The following UNC5C variants were observed in gnomAD, a reference collection of about 807,000 sequenced individuals.
UNC5C encodes netrin receptor UNC5C.
UNC5C carries 47 observed loss-of-function variants against 99.8 expected under a neutral mutation model. That is an observed-to-expected ratio of 0.47 (90% CI 0.37 to 0.60). UNC5C has a LOEUF of 0.60. UNC5C is among the 20% of genes least tolerant of loss of function. The probability of loss-of-function intolerance (pLI) is 0.00; values close to 1 mark genes in which losing one functional copy is unlikely to be tolerated. For missense variants in UNC5C, 1,062 were observed against 1,165.9 expected (o/e 0.91, Z 1.30); for synonymous variants, 487 against 452.2 (o/e 1.08, Z -0.98).
chr4:95,296,925 A>G (rs1397513371), intron 3 of UNC5C, among the ~76,000 whole-genome samples: 4 of 152,196 alleles, frequency 2.6e-5, no homozygotes, highest in Admixed American at 2.6e-4. Flanking sequence ...ATCCCCTTTC[A>G]GGCCTGGTCC....
At chr4:95,462,034 G>A (rs1173295502) in intron 1 of UNC5C, among the ~76,000 whole-genome samples, 2 of 151,930 alleles carry the variant, frequency 1.3e-5, no homozygotes, top group East Asian at 3.8e-4. Flanking sequence ...AGTTGATAGA[G>A]CCTTGGGTTT....
At chr4:95,360,326 G>A (rs116277466) in intron 1 of UNC5C, among the ~76,000 whole-genome samples, 1,728 of 152,148 alleles carry the variant, frequency 0.011, 25 homozygotes, top group African/African-American at 0.039. Flanking sequence ...TAATCTGTAA[G>A]TTAAAGGAAA....
chr4:95,208,764 T>C (rs1285985869), intron 10 of UNC5C, among the ~76,000 whole-genome samples: 10 of 152,238 alleles, frequency 6.6e-5, no homozygotes, highest in Admixed American at 4.6e-4. Flanking sequence ...TTTGATGGAA[T>C]TCACATATAT....
At chr4:95,425,563 C>G (rs774750220) in intron 1 of UNC5C, among the ~76,000 whole-genome samples, 30 of 152,220 alleles carry the variant, frequency 2.0e-4, no homozygotes, top group Non-Finnish European at 4.0e-4. Flanking sequence ...ACCTCGTGAT[C>G]CGCCCAAAGT....
At chr4:95,515,310 G>T (rs568944935) in intron 1 of UNC5C, among the ~76,000 whole-genome samples, 1 of 152,252 alleles carries the variant, frequency 6.6e-6, no homozygotes, top group Admixed American at 6.5e-5. Flanking sequence ...TGGGTAAGGT[G>T]TTACTGCCTC....
rs372028845 is a variant in UNC5C at position 95,198,026 on chromosome 4, C to T, written c.2136+4705G>A. On this transcript the variant is annotated intron_variant, in intron 12 of 15. Transcript: ENST00000453304. ...TTTAAGAGATGGGGTCTCGCTCTGC[C>T]ACCCAGGCTGGAGTGCCGTGGTGCG... Among the ~76,000 whole-genome samples the T allele has an allele frequency of 6.3e-4, 93 of 148,462 alleles. 1 individual carries two copies. The highest frequency in any genetic ancestry group is 1.7e-3 in the South Asian group (8 of 4,638).
Position 95,219,162 on chromosome 4 carries a change from G to C in UNC5C, c.1452C>G (p.Thr484=). The C allele has an allele frequency of 6.2e-7, 1 of 1,614,142 alleles. No homozygotes were observed. Among genetic ancestry groups the C allele is most frequent in the Non-Finnish European group, 8.5e-7 (1 of 1,180,032 alleles). ...LPNLKIKVYN[T]SGAVTPQDDL... Reference sequence around the variant, plus strand: ...CATCTTGGGGGGTGACAGCACCTGAGGTGTTGTACACTTTGATTTTCAGGT... The same window carrying C: ...CATCTTGGGGGGTGACAGCACCTGACGTGTTGTACACTTTGATTTTCAGGT... The change falls in exon 9 of 16, where the codon ACC becomes ACG. Residue 484 remains threonine (T), a synonymous_variant. Coordinates refer to ENST00000453304, the MANE Select transcript of UNC5C (RefSeq NM_003728.4).
intron 7 of UNC5C, among the ~76,000 whole-genome samples, chr4:95,238,151 A>G (rs1412909212): frequency 1.3e-5 from 2 of 152,200 alleles, no homozygotes; most frequent in South Asian, 2.1e-4. Context: ...TGACTCATAA[A>G]CAGAATAAAA....
chr4:95,383,501 T>C (rs191567074), intron 1 of UNC5C, among the ~76,000 whole-genome samples: 13 of 152,344 alleles, frequency 8.5e-5, no homozygotes, highest in Admixed American at 7.8e-4. Context: ...TTCTTGAGAT[T>C]TCTGTTTTGG....
intron 4 of UNC5C, among the ~76,000 whole-genome samples, chr4:95,265,781 G>C (rs1408836707): frequency 6.6e-6 from 1 of 152,162 alleles, no homozygotes; most frequent in Non-Finnish European, 1.5e-5. Context: ...TTGAATCCCA[G>C]CCCTCCCACT....
intron 1 of UNC5C, among the ~76,000 whole-genome samples, chr4:95,548,049 T>C: frequency 6.6e-6 from 1 of 152,212 alleles, no homozygotes; most frequent in East Asian, 1.9e-4. Flanking sequence ...TTTTCATTTC[T>C]ACATCCCCTG....
chr4:95,432,429 C>G (rs1373826650), intron 1 of UNC5C, among the ~76,000 whole-genome samples: 2 of 152,056 alleles, frequency 1.3e-5, no homozygotes, highest in African/African-American at 4.8e-5. Flanking sequence ...GAGGGATAAT[C>G]ATACAGTTTT....
intron 1 of UNC5C, among the ~76,000 whole-genome samples, chr4:95,463,969 T>G (rs534690177): frequency 3.9e-5 from 6 of 152,218 alleles, no homozygotes; most frequent in Non-Finnish European, 5.9e-5. Context: ...TTTAATAAAA[T>G]AACTGCGTAT....
intron 1 of UNC5C, among the ~76,000 whole-genome samples, chr4:95,404,628 TGGACA>T (rs1319924956): frequency 6.6e-6 from 1 of 152,148 alleles, no homozygotes; most frequent in Non-Finnish European, 1.5e-5. Flanking sequence ...GCTACTGATG[TGGACA>T]GGACACAGGG....
chr4:95,292,947 G>T (rs543783595), intron 3 of UNC5C, among the ~76,000 whole-genome samples: 4 of 152,136 alleles, frequency 2.6e-5, no homozygotes, highest in Non-Finnish European at 5.9e-5. Context: ...ATGGCAGATG[G>T]TTAACTCAAA....
chr4:95,304,923 T>G (rs906492025), intron 2 of UNC5C, among the ~76,000 whole-genome samples: 5 of 152,326 alleles, frequency 3.3e-5, no homozygotes, highest in African/African-American at 1.2e-4. Flanking sequence ...GTAGGTCCAC[T>G]GTATCCTTTA....
chr4:95,327,540 A>G (rs1742935476), intron 2 of UNC5C, among the ~76,000 whole-genome samples: 1 of 152,050 alleles, frequency 6.6e-6, no homozygotes, highest in African/African-American at 2.4e-5. Context: ...TTCTTTATAC[A>G]TGGAAGCATA....
chr4:95,455,164 T>C (rs999906997), intron 1 of UNC5C, among the ~76,000 whole-genome samples: 1 of 152,080 alleles, frequency 6.6e-6, no homozygotes, highest in Non-Finnish European at 1.5e-5. Flanking sequence ...TGAGATCATA[T>C]TGAAAGAGTC....
At chr4:95,421,488 T>C (rs75806254) in intron 1 of UNC5C, among the ~76,000 whole-genome samples, 1 of 85,092 alleles carries the variant, frequency 1.2e-5, no homozygotes, top group Non-Finnish European at 3.0e-5. Flanking sequence ...CTATGGTAGA[T>C]TTTTTTTTTT....
Sources: gnomAD v4.1 joint callset for allele counts (sites outside exome capture counted in the v4.1 genomes callset) on GRCh38, gnomAD v4.1.1 for gene constraint, MANE v1.5 for transcripts, NCBI Gene and HGNC (gene_info 2026-07-23, HGNC 2026-07-21) for gene names.